HGS: variants seen among roughly 807,000 people sequenced by gnomAD.
HGS encodes hepatocyte growth factor-regulated tyrosine kinase substrate.
In HGS, 63 loss-of-function variants were observed where a neutral mutation model predicts 109.7. The ratio of observed to expected loss-of-function variants is 0.57; its 90% CI spans 0.47 to 0.71. HGS has a LOEUF of 0.71. Among genes scored for constraint, HGS ranks in the 30% least tolerant of loss-of-function variants. The pLI, the probability that HGS is intolerant of heterozygous loss-of-function variation, is 0.00. For missense variants in HGS, 995 were observed against 1,068.3 expected (o/e 0.93, Z 0.96); for synonymous variants, 546 against 437.3 (o/e 1.25, Z -3.10).
rs1227229142 is a variant in HGS, at chr17:81,690,247, G to A, written c.468+13G>A. 5 of 1,613,410 alleles carry A rather than the reference G, an allele frequency of 3.1e-6. No individual in the cohort carries two copies. Among genetic ancestry groups the A allele is most frequent in the East Asian group, 2.2e-5 (1 of 44,854 alleles). ...TGCTGCCGAGAGAGTGAGTGTGGGCGGCCGCCAGGGGTTCTGGAGTCGGGC... is the reference window on the plus strand; with the variant it reads ...TGCTGCCGAGAGAGTGAGTGTGGGCAGCCGCCAGGGGTTCTGGAGTCGGGC... On this transcript the variant is annotated intron_variant, in intron 6 of 21. Transcript: ENST00000329138.
At chr17:81,700,934 C>G in intron 20 of HGS, 111 bp from the exon 21 acceptor site, 2 of 1,523,302 alleles carry the variant, frequency 1.3e-6, no homozygotes, top group Admixed American at 3.4e-5. Flanking sequence ...TCCTCCCCCT[C>G]CACTCTCTGG....
chr17:81,695,102 G>T, intron 13 of HGS, 35 bp downstream of exon 13: 2 of 1,612,694 alleles, frequency 1.2e-6, no homozygotes, highest in Non-Finnish European at 1.7e-6. Flanking sequence ...CTAGTGGCAG[G>T]GTCCCTTGGA....
chr17:81,693,229 G>A (rs771012908), intron 8 of HGS, among the ~76,000 whole-genome samples: 3 of 152,164 alleles, frequency 2.0e-5, no homozygotes, highest in Non-Finnish European at 4.4e-5. Flanking sequence ...GAAGGTCTTC[G>A]CAGGCCGGGC....
Position 81,700,828 on chromosome 17 carries a change from C to G in HGS, c.2136+14C>G. On this transcript the variant is annotated intron_variant, in intron 20 of 21. Coordinates refer to ENST00000329138, the MANE Select transcript of HGS (RefSeq NM_004712.5). ...TACAACATGCAGGTACAGTGACCTC[C>G]AGGCCCTGCTGGGGGCCAGGGTGGG... The G allele has an allele frequency of 6.2e-7, 1 of 1,606,256 alleles. No individual in the cohort carries two copies. The highest frequency in any genetic ancestry group is 8.5e-7 in the Non-Finnish European group (1 of 1,175,548).
chr17:81,694,582 A>G (rs544099362), intron 11 of HGS, among the ~76,000 whole-genome samples: 9 of 152,278 alleles, frequency 5.9e-5, no homozygotes, highest in African/African-American at 2.2e-4. Context: ...TTCCTCCCAT[A>G]GCAAGGTTAG....
At chr17:81,687,207 G>A in intron 4 of HGS, 112 bp downstream of exon 4, 1 of 720,388 alleles carries the variant, frequency 1.4e-6, no homozygotes, top group Non-Finnish European at 2.4e-6. Context: ...AAAATGTGCA[G>A]GTGCAGATCG....
intron 14 of HGS, 24 bp downstream of exon 14, chr17:81,695,247 G>C (rs943883182): frequency 6.2e-7 from 1 of 1,612,150 alleles, no homozygotes. Context: ...CCCTCCACGG[G>C]CCAGGGCAAA....
rs2037020020 is a variant in HGS at position 81,688,691 on chromosome 17, T to G, written c.292-13T>G. On this transcript the variant is annotated splice_polypyrimidine_tract_variant and intron_variant, in intron 4 of 21. Transcript: ENST00000329138. ...GTGTCCTGCGACCCTCACCCCCTTC[T>G]CCCTGCCTGCAGAGACAAGTGGAGG... 1 of 1,613,094 alleles carries G rather than the reference T, an allele frequency of 6.2e-7. No individual in the cohort carries two copies. The highest frequency in any genetic ancestry group is 1.3e-5 in the African/African-American group (1 of 74,862).
intron 1 of HGS, chr17:81,685,067 C>A: frequency 2.0e-6 from 2 of 985,362 alleles, no homozygotes; most frequent in Non-Finnish European, 2.4e-6. Context: ...GGTATGATGA[C>A]AGGTATGCTG....
At position 81,696,547 on chromosome 17, in the gene HGS, C is replaced by A. The variant is rs374663007; in HGVS notation, c.1566+18C>A. On this transcript the variant is annotated intron_variant, in intron 16 of 21. Coordinates refer to ENST00000329138, the MANE Select transcript of HGS (RefSeq NM_004712.5). ...AGAAGCAGGTGCAGTGGCTGCCCAG[C>A]CACAGGCCGGGGCCGGCTGGGGGAC... 6 of 1,538,250 alleles carry A rather than the reference C, an allele frequency of 3.9e-6. No homozygotes were observed. The African/African-American group carries it at 6.8e-5, about 18-fold the overall frequency.
chr17:81,701,867 C>A lies in HGS; in HGVS notation c.*249C>A. On this transcript the variant is annotated 3_prime_UTR_variant, in exon 22 of 22. Transcript: ENST00000329138. Reference sequence around the variant, plus strand: ...GAAGGACTTTCTCCCAGGGGAAGCCCCCAGCCCTGTGGGTCATGGTCTGTG... The same window carrying A: ...GAAGGACTTTCTCCCAGGGGAAGCCACCAGCCCTGTGGGTCATGGTCTGTG... 1 of 478,104 alleles carries A rather than the reference C, an allele frequency of 2.1e-6. No individual in the cohort carries two copies. The highest frequency in any genetic ancestry group is 4.1e-5 in the Admixed American group (1 of 24,550). 29.6% of individuals were successfully genotyped at this position (478,104 alleles called of 1,614,324 possible).
chr17:81,688,912 G>A, intron 5 of HGS, 85 bp downstream of exon 5: 2 of 1,550,260 alleles, frequency 1.3e-6, no homozygotes, highest in Admixed American at 3.4e-5. Flanking sequence ...CGAGGGGCCT[G>A]GGAAGATGGG....
At position 81,700,524 on chromosome 17, in the gene HGS, C is replaced by T. The variant is rs1450587433; in HGVS notation, c.1940C>T (p.Ala647Val). The change falls in exon 19 of 22, where the codon GCC becomes GTC. Residue 647 changes from alanine (A) to valine (V), a missense_variant. This residue lies in a region of HGS where 326 missense variants were observed against 309.7 expected (regional missense o/e 1.05). Coordinates refer to ENST00000329138, the MANE Select transcript of HGS (RefSeq NM_004712.5). ...YPAGATGAQA[A>V]PQAQAGPTAS... ...GCAGGGGCCACTGGGGCGCAGGCGGCCCCCCAGGCCCAGGCCGGACCCACC... is the reference window on the plus strand; with the variant it reads ...GCAGGGGCCACTGGGGCGCAGGCGGTCCCCCAGGCCCAGGCCGGACCCACC... 16 of 1,606,916 alleles carry T rather than the reference C, an allele frequency of 1.0e-5. No homozygotes were observed. The highest frequency in any genetic ancestry group is 4.4e-5 in the South Asian group (4 of 90,340).
chr17:81,693,663 A>G lies in HGS; in HGVS notation c.751A>G (p.Lys251Glu), dbSNP rs558699263. 3 of 1,540,482 alleles carry G rather than the reference A, an allele frequency of 1.9e-6. No individual in the cohort carries two copies. The South Asian group carries it at 3.6e-5, about 18-fold the overall frequency. The change falls in exon 10 of 22, where the codon AAG becomes GAG. Residue 251 changes from lysine to glutamate, a missense_variant. Physicochemically the swap from Lys to Glu is moderately conservative, Grantham distance 56. Transcript: ENST00000329138. The stretch of plus-strand genomic sequence containing the variant: ...CCCCGCTTGTCCTCAGCTGCCCCCC[A>G]AGAGGGACGAGACGGCCCTGCAGGA... ...PLSQQSQLPP[K>E]RDETALQEEE...
chr17:81,686,137 C>G, intron 2 of HGS, 175 bp from the exon 3 acceptor site: 1 of 603,514 alleles, frequency 1.7e-6, no homozygotes, highest in Non-Finnish European at 2.9e-6. Flanking sequence ...TGCCGTAATG[C>G]ACAGGCTGGT....
Position 81,693,770 on chromosome 17 carries a change from G to A in HGS, c.840+18G>A, listed in dbSNP as rs1212273968. On this transcript the variant is annotated intron_variant, in intron 10 of 21. Transcript: ENST00000329138. Reference sequence around the variant, plus strand: ...AGAGGCTGGTAAGCCGGGTGGGGCGGGGCGGCCTCAGGAGGGGCCCAGCTC... The same window carrying A: ...AGAGGCTGGTAAGCCGGGTGGGGCGAGGCGGCCTCAGGAGGGGCCCAGCTC... 6.5e-7 allele frequency: 1 copy of A among 1,539,292 alleles called. No individual in the cohort carries two copies. Among genetic ancestry groups the A allele is most frequent in the Non-Finnish European group, 8.7e-7 (1 of 1,145,308 alleles).
At position 81,690,688 on chromosome 17, in the gene HGS, G is replaced by A. The variant is rs1205213011; in HGVS notation, c.483G>A (p.Val161=). 3 of 1,612,812 alleles carry A rather than the reference G, an allele frequency of 1.9e-6. No individual in the cohort carries two copies. Among genetic ancestry groups the A allele is most frequent in the Non-Finnish European group, 2.5e-6 (3 of 1,179,716 alleles). Residue 161 remains valine (V), a synonymous_variant, in exon 7 of 22, where the codon GTG becomes GTA. Coordinates refer to ENST00000329138, the MANE Select transcript of HGS (RefSeq NM_004712.5). The stretch of plus-strand genomic sequence containing the variant: ...CCCCTCCTCAGGCCCCAGACTGGGT[G>A]GACGCTGAGGAATGCCACCGCTGCA... The part of the protein sequence containing the change: ...MFAAERAPDW[V]DAEECHRCRV...
Position 81,691,487 on chromosome 17 carries a change from G to A in HGS, c.578G>A (p.Cys193Tyr). Residue 193 changes from cysteine (C) to tyrosine (Y), a missense_variant, in exon 8 of 22, where the codon TGT becomes TAT. By Grantham distance (194) the Cys-to-Tyr change is radical. This residue lies in a region of HGS where 182 missense variants were observed against 261.3 expected (regional missense o/e 0.70). Transcript: ENST00000329138. The surrounding 1 kb of genome is among the most constrained non-coding windows in gnomAD (Gnocchi z 5.3). ...RACGQIFCGK[C>Y]SSKYSTIPKF... is the part of the protein sequence containing the mutation. ...TGTGGGCAGATATTCTGTGGAAAGT[G>A]TTCTTCCAAGTACTCCACCATCCCC... 1 of 1,614,188 alleles carries A rather than the reference G, an allele frequency of 6.2e-7. No homozygotes were observed. Among genetic ancestry groups the A allele is most frequent in the Admixed American group, 1.7e-5 (1 of 60,028 alleles).
Position 81,688,758 on chromosome 17 carries a change from G to A in HGS, c.346G>A (p.Ala116Thr). The change falls in exon 5 of 22, where the codon GCG becomes ACG. Residue 116 changes from alanine to threonine, a missense_variant. Physicochemically the swap from Ala to Thr is moderately conservative, Grantham distance 58 (BLOSUM62 0). Around this residue, in one of 6 missense-constraint regions of HGS, gnomAD observed 182 missense variants for 261.3 expected, o/e 0.70. Transcript: ENST00000329138. Reference protein sequence around the residue: ...NKILYLIQAWAHAFRNEPKYK... With the variant: ...NKILYLIQAWTHAFRNEPKYK... ...GATCCTGTACCTGATCCAGGCCTGG[G>A]CGCATGCCTTCCGGAACGAGCCCAA... The A allele has an allele frequency of 6.2e-7, 1 of 1,614,146 alleles. No individual in the cohort carries two copies. The highest frequency in any genetic ancestry group is 8.5e-7 in the Non-Finnish European group (1 of 1,180,010).
Sources: gnomAD v4.1 joint callset for allele counts (sites outside exome capture counted in the v4.1 genomes callset) on GRCh38, gnomAD v4.1.1 for gene constraint, gnomAD v4.1.1 regional missense constraint, Gnocchi (gnomAD v3.1) non-coding constraint, MANE v1.5 for transcripts, NCBI Gene and HGNC (gene_info 2026-07-23, HGNC 2026-07-21) for gene names.